Variants in NCKAP5 observed in about 807,000 individuals in gnomAD.
NCKAP5 encodes NCK associated protein 5.
A neutral mutation model predicts 167.0 loss-of-function variants in NCKAP5; 92 were observed. That is an observed-to-expected ratio of 0.55 (90% CI 0.47 to 0.66). The LOEUF (loss-of-function observed/expected upper bound fraction) is 0.66. NCKAP5 is among the 30% of genes least tolerant of loss of function. The pLI, the probability that NCKAP5 is intolerant of heterozygous loss-of-function variation, is 0.00. For missense variants in NCKAP5, 2,378 were observed against 2,315.0 expected (o/e 1.03, Z -0.56); for synonymous variants, 891 against 877.4 (o/e 1.02, Z -0.27).
At chr2:133,245,649 G>C (rs1351824464) in intron 4 of NCKAP5, among the ~76,000 whole-genome samples, 1 of 151,714 alleles carries the variant, frequency 6.6e-6, no homozygotes, top group Non-Finnish European at 1.5e-5. Context: ...TTTAATTAAA[G>C]GCGCAATCCC....
At position 133,399,057 on chromosome 2, in the gene NCKAP5, C is replaced by T. The variant is rs73957083; in HGVS notation, c.70-95947G>A. ...CCTTGTAGAAATAAAGAAACAGACA[C>T]CTATCACAGAGACCGAGGCCGCTGC... On this transcript the variant is annotated intron_variant, in intron 3 of 19. Transcript: ENST00000409261. Among the ~76,000 whole-genome samples the T allele has an allele frequency of 1.2e-3, 176 of 152,272 alleles. 2 individuals carry two copies. The highest frequency in any genetic ancestry group is 3.8e-3 in the African/African-American group (158 of 41,536).
intron 4 of NCKAP5, among the ~76,000 whole-genome samples, chr2:133,299,061 A>C (rs1258210046): frequency 6.6e-6 from 1 of 151,914 alleles, no homozygotes; most frequent in Admixed American, 6.5e-5. Context: ...TAAATAAATA[A>C]ATAAAAATTA....
intron 6 of NCKAP5, among the ~76,000 whole-genome samples, chr2:133,111,594 A>G (rs1018115111): frequency 2.6e-5 from 4 of 152,182 alleles, no homozygotes; most frequent in African/African-American, 9.7e-5. Context: ...AAACACACCC[A>G]TGACCATCAC....
At chr2:132,829,777 T>C (rs1360483440) in intron 11 of NCKAP5, among the ~76,000 whole-genome samples, 1 of 152,136 alleles carries the variant, frequency 6.6e-6, no homozygotes, top group Non-Finnish European at 1.5e-5. Flanking sequence ...GGTTCCCAGG[T>C]GATGCTGCTG....
rs773998622 is a variant in NCKAP5 at position 132,878,881 on chromosome 2, AT to A, written c.614del (p.Asn205IlefsTer13). On this transcript the variant is annotated frameshift_variant, in exon 9 of 20. Coordinates refer to ENST00000409261, the MANE Select transcript of NCKAP5 (RefSeq NM_207363.3). LOFTEE classifies it high-confidence loss of function. ...ENSALALENE[N>X]QREQYERCLD... ...GACATCGCTCATATTGTTCCCTTTGATTTTCATTCTCCAAAGCCAACGCTGA... is the reference window on the plus strand; with the variant it reads ...GACATCGCTCATATTGTTCCCTTTGATTTCATTCTCCAAAGCCAACGCTGA... 1 of 1,613,760 alleles carries A rather than the reference AT, an allele frequency of 6.2e-7. No homozygotes were observed. The highest frequency in any genetic ancestry group is 8.5e-7 in the Non-Finnish European group (1 of 1,179,738).
At chr2:132,971,835 A>T (rs548348196) in intron 7 of NCKAP5, among the ~76,000 whole-genome samples, 22 of 152,316 alleles carry the variant, frequency 1.4e-4, no homozygotes, top group Middle Eastern at 3.4e-3. Context: ...TTTAAAACGC[A>T]GATTCCTCGG....
Position 132,864,347 on chromosome 2 carries a change from A to T in NCKAP5, c.688-3736T>A, listed in dbSNP as rs1690171020. On this transcript the variant is annotated intron_variant, in intron 10 of 19. Transcript: ENST00000409261. ...TGCCAAAGATTTGACTACATTTAAT[A>T]TCATGAAAAAAAAAAAGGTACAGTG... Among the ~76,000 whole-genome samples the T allele has an allele frequency of 1.6e-4, 4 of 25,742 alleles. No homozygotes were observed. The South Asian group carries it at 0.021, about 135-fold the overall frequency. 16.9% of individuals were successfully genotyped at this position (25,742 alleles called of 152,430 possible). A position where few individuals can be genotyped will look rare whatever the true frequency, so the allele number is the denominator to read the frequency against.
the NCKAP5 span, among the ~76,000 whole-genome samples, chr2:133,633,999 C>T: frequency 6.6e-6 from 1 of 152,188 alleles, no homozygotes; most frequent in Non-Finnish European, 1.5e-5. Flanking sequence ...AATAGAAACT[C>T]TTATCTGGAC....
chr2:132,740,444 G>A (rs1015638589), intron 16 of NCKAP5, among the ~76,000 whole-genome samples: 1 of 152,056 alleles, frequency 6.6e-6, no homozygotes, highest in Non-Finnish European at 1.5e-5. Flanking sequence ...CTGAATGGCT[G>A]AAACAAGCTT....
chr2:133,615,689 C>A, the NCKAP5 span, among the ~76,000 whole-genome samples: 1 of 152,130 alleles, frequency 6.6e-6, no homozygotes, highest in African/African-American at 2.4e-5. Flanking sequence ...TAGACCCCCA[C>A]ACATTAATAA....
At chr2:132,797,869 G>T (rs1574257612) in intron 11 of NCKAP5, among the ~76,000 whole-genome samples, 1 of 152,168 alleles carries the variant, frequency 6.6e-6, no homozygotes, top group East Asian at 1.9e-4. Flanking sequence ...CTGAACTTCT[G>T]TGAGAGCCCT....
intron 3 of NCKAP5, among the ~76,000 whole-genome samples, chr2:133,441,366 A>C (rs756412582): frequency 3.9e-5 from 6 of 152,338 alleles, no homozygotes; most frequent in Non-Finnish European, 7.3e-5. Context: ...CCTGAGGAAA[A>C]GATCTAGACT....
chr2:133,424,636 C>T (rs1689678377), intron 3 of NCKAP5, among the ~76,000 whole-genome samples: 1 of 152,040 alleles, frequency 6.6e-6, no homozygotes, highest in South Asian at 2.1e-4. Context: ...ATGTAAAAAC[C>T]TAGAAGGATT....
the NCKAP5 span, among the ~76,000 whole-genome samples, chr2:133,609,736 C>T: frequency 3.4e-4 from 51 of 152,102 alleles, no homozygotes; most frequent in African/African-American, 1.2e-3. Context: ...TTTTATACCC[C>T]AAAGCTTGCC....
At chr2:133,150,107 C>T (rs1486112041) in intron 5 of NCKAP5, among the ~76,000 whole-genome samples, 3 of 152,160 alleles carry the variant, frequency 2.0e-5, no homozygotes, top group Non-Finnish European at 2.9e-5. Flanking sequence ...GCAGTATCCC[C>T]TTACCTATGA....
the NCKAP5 span, among the ~76,000 whole-genome samples, chr2:133,599,019 C>T: frequency 3.3e-5 from 5 of 152,192 alleles, no homozygotes; most frequent in Non-Finnish European, 5.9e-5. Flanking sequence ...GTCAGTGTGT[C>T]TGCAAATCTC....
At chr2:133,283,667 A>G (rs2090006978) in intron 4 of NCKAP5, among the ~76,000 whole-genome samples, 1 of 151,220 alleles carries the variant, frequency 6.6e-6, no homozygotes, top group Admixed American at 6.6e-5. Flanking sequence ...CTGGAGTGCA[A>G]TGGCAGGATC....
intron 6 of NCKAP5, among the ~76,000 whole-genome samples, chr2:133,009,283 A>C (rs1370778979): frequency 6.6e-6 from 1 of 152,138 alleles, no homozygotes; most frequent in Non-Finnish European, 1.5e-5. Context: ...GATTTCATGT[A>C]TGGGTTTCTT....
intron 6 of NCKAP5, among the ~76,000 whole-genome samples, chr2:133,028,002 A>G (rs1415955284): frequency 1.3e-5 from 2 of 152,206 alleles, no homozygotes; most frequent in Non-Finnish European, 2.9e-5. Context: ...CGTTTTGAGC[A>G]TCGACAAGAT....
Sources: gnomAD v4.1 joint callset for allele counts (sites outside exome capture counted in the v4.1 genomes callset) on GRCh38, gnomAD v4.1.1 for gene constraint, MANE v1.5 for transcripts, NCBI Gene and HGNC (gene_info 2026-07-23, HGNC 2026-07-21) for gene names.